Variants in SERPINI1 observed in about 807,000 individuals in gnomAD.
SERPINI1 encodes the protein neuroserpin.
Under a neutral mutation model 41.1 loss-of-function variants are expected in SERPINI1, and 19 were observed. The ratio of observed to expected loss-of-function variants is 0.46; its 90% confidence interval spans 0.32 to 0.68. SERPINI1 has a LOEUF of 0.68. Among genes scored for constraint, SERPINI1 ranks in the 30% least tolerant of loss-of-function variants. SERPINI1 has a pLI of 0.03. For missense variants in SERPINI1, 460 were observed against 479.2 expected (o/e 0.96, Z 0.37); for synonymous variants, 138 against 156.6 (o/e 0.88, Z 0.89).
intron 1 of SERPINI1, among the ~76,000 whole-genome samples, chr3:167,772,913 C>T (rs1449069932): frequency 9.2e-6 from 1 of 108,140 alleles, no homozygotes; most frequent in Non-Finnish European, 1.8e-5. Context: ...CACACACACA[C>T]ACACACACAT....
chr3:167,773,936 C>T (rs1367699769), intron 1 of SERPINI1, among the ~76,000 whole-genome samples: 1 of 152,054 alleles, frequency 6.6e-6, no homozygotes, highest in African/African-American at 2.4e-5. Context: ...TAAGTGTCAG[C>T]CACAAGTATT....
Position 167,816,657 on chromosome 3 carries a change from G to A in SERPINI1, c.980-6329G>A, listed in dbSNP as rs78753818. Among the ~76,000 whole-genome samples the A allele has an allele frequency of 3.2e-3, 483 of 152,136 alleles. 5 individuals are homozygous for A. The highest frequency in any genetic ancestry group is 0.011 in the African/African-American group (475 of 41,522). On this transcript the variant is annotated intron_variant, in intron 6 of 8. Transcript: ENST00000446050. ...AAGGAAGTAGACTGTCCAGGAAGAG[G>A]GAAGCATCAGTGCAAATATGACATA...
At chr3:167,759,201 C>T (rs1179577457) in intron 1 of SERPINI1, among the ~76,000 whole-genome samples, 1 of 151,880 alleles carries the variant, frequency 6.6e-6, no homozygotes, top group Non-Finnish European at 1.5e-5. Flanking sequence ...CTTTGAGTTC[C>T]AGAGATTTCT....
At chr3:167,797,867 A>C (rs1727767210) in intron 5 of SERPINI1, among the ~76,000 whole-genome samples, 1 of 152,118 alleles carries the variant, frequency 6.6e-6, no homozygotes, top group South Asian at 2.1e-4. Flanking sequence ...AATCAGGCCT[A>C]AAGTTATAAA....
chr3:167,824,445 A>T (rs768701830), intron 7 of SERPINI1, 28 bp from the exon 8 acceptor site: 1 of 1,549,958 alleles, frequency 6.5e-7, no homozygotes, highest in Non-Finnish European at 8.9e-7. Context: ...ATCCACAGAC[A>T]TATAATTACT....
chr3:167,769,423 A>C (rs1348047210), intron 1 of SERPINI1, among the ~76,000 whole-genome samples: 1 of 152,258 alleles, frequency 6.6e-6, no homozygotes, highest in African/African-American at 2.4e-5. Flanking sequence ...CGAGTTAACT[A>C]TACAGACTTT....
Position 167,825,342 on chromosome 3 carries a change from C to G in SERPINI1, c.*19C>G. The G allele has an allele frequency of 6.6e-7, 1 of 1,514,708 alleles. No homozygotes were observed. Among genetic ancestry groups the G allele is most frequent in the Non-Finnish European group, 9.2e-7 (1 of 1,089,464 alleles). The allele number at this position is 1,514,708 out of a possible 1,614,324, so 93.8% of individuals were successfully genotyped here. ...ACTTTAAGTTACTTTATTTGAATAA[C>G]AAGGAAAACAGTAACTAAGCACATT... is the stretch of plus-strand genomic sequence containing the variant. On this transcript the variant is annotated 3_prime_UTR_variant, in exon 9 of 9. Coordinates refer to ENST00000446050, the MANE Select transcript of SERPINI1 (RefSeq NM_001122752.2).
At chr3:167,746,622 G>C (rs1725870097) in intron 1 of SERPINI1, among the ~76,000 whole-genome samples, 1 of 152,166 alleles carries the variant, frequency 6.6e-6, no homozygotes, top group Admixed American at 6.5e-5. Context: ...CTCCAAACAA[G>C]ATGTAAAAAT....
At chr3:167,817,686 C>T (rs1286817557) in intron 6 of SERPINI1, among the ~76,000 whole-genome samples, 1 of 152,116 alleles carries the variant, frequency 6.6e-6, no homozygotes, top group Non-Finnish European at 1.5e-5. Context: ...CAAGCTCTGC[C>T]TCCTGGGTTC....
chr3:167,766,859 A>C (rs1159655119), intron 1 of SERPINI1, among the ~76,000 whole-genome samples: 2 of 152,262 alleles, frequency 1.3e-5, no homozygotes, highest in Non-Finnish European at 2.9e-5. Context: ...TGAAGCCAGC[A>C]GAGAGATTGG....
At chr3:167,824,370 T>C (rs1577438901) in intron 7 of SERPINI1, 103 bp from the exon 8 acceptor site, 1 of 798,012 alleles carries the variant, frequency 1.3e-6, no homozygotes, top group East Asian at 2.5e-5. Context: ...TCCTGTAAAT[T>C]GTTGTCTTTG....
chr3:167,820,330 C>A (rs567800196), intron 6 of SERPINI1, among the ~76,000 whole-genome samples: 1 of 152,208 alleles, frequency 6.6e-6, no homozygotes, highest in Non-Finnish European at 1.5e-5. Flanking sequence ...TGGAAGCCTG[C>A]CCCCTTCTGA....
At chr3:167,759,400 G>GCATATATATATATATATATATATATATA (rs1553771738) in intron 1 of SERPINI1, among the ~76,000 whole-genome samples, 3 of 121,118 alleles carry the variant, frequency 2.5e-5, no homozygotes, top group African/African-American at 6.1e-5. Flanking sequence ...AGAAAATGTG[G>GCATATATATATATATATATATATATATA]TATATATATA....
At chr3:167,787,102 C>T (rs1044723449) in intron 1 of SERPINI1, among the ~76,000 whole-genome samples, 5 of 151,962 alleles carry the variant, frequency 3.3e-5, no homozygotes, top group African/African-American at 7.3e-5. Context: ...TACACATATT[C>T]GCCCAGGCCT....
intron 5 of SERPINI1, among the ~76,000 whole-genome samples, chr3:167,799,063 T>C (rs1181449241): frequency 1.3e-5 from 2 of 152,182 alleles, no homozygotes; most frequent in South Asian, 4.1e-4. Flanking sequence ...CTCTTTATAC[T>C]TCAAGTTCTG....
At chr3:167,802,348 A>C (rs531954776) in intron 5 of SERPINI1, among the ~76,000 whole-genome samples, 17,654 of 150,670 alleles carry the variant, frequency 0.12, 1,384 homozygotes, top group Non-Finnish European at 0.17. Flanking sequence ...CAACCTACAA[A>C]ATGGGAGAAA....
At chr3:167,781,839 A>G (rs1727137707) in intron 1 of SERPINI1, among the ~76,000 whole-genome samples, 1 of 151,992 alleles carries the variant, frequency 6.6e-6, no homozygotes, top group Admixed American at 6.6e-5. Context: ...GGAAGTTAAA[A>G]AACACTATCT....
At chr3:167,786,250 C>G (rs1229019929) in intron 1 of SERPINI1, among the ~76,000 whole-genome samples, 1 of 152,100 alleles carries the variant, frequency 6.6e-6, no homozygotes, top group African/African-American at 2.4e-5. Flanking sequence ...CGCCTGTAAT[C>G]CCAGCACTTT....
chr3:167,803,339 G>T (rs1349440211), intron 5 of SERPINI1, among the ~76,000 whole-genome samples: 1 of 151,858 alleles, frequency 6.6e-6, no homozygotes, highest in African/African-American at 2.4e-5. Context: ...CTGATTTACA[G>T]TTAAGGTGGC....
Sources: allele counts gnomAD v4.1 joint callset (sites outside exome capture counted in the v4.1 genomes callset), GRCh38; gene constraint gnomAD v4.1.1; transcripts MANE v1.5; gene names NCBI Gene and HGNC (gene_info 2026-07-23, HGNC 2026-07-21).